RNF220: variants seen among roughly 807,000 people sequenced by gnomAD.
RNF220 encodes E3 ubiquitin-protein ligase RNF220.
Under a neutral mutation model 67.1 loss-of-function variants are expected in RNF220, and 7 were observed. The observed-to-expected ratio is 0.10, with a 90% CI of 0.06 to 0.20. RNF220 has a LOEUF of 0.20. Among genes scored for constraint, RNF220 ranks in the 10% least tolerant of loss-of-function variants. The probability of loss-of-function intolerance (pLI) is 1.00; values close to 1 mark genes in which losing one functional copy is unlikely to be tolerated. For synonymous variants in RNF220, 270 were observed against 283.2 expected, an observed-to-expected ratio of 0.95 and a Z score of 0.47; for missense variants, 565 against 740.3, an observed-to-expected ratio of 0.76 and a Z score of 2.75.
chr1:44,411,983 C>G lies in RNF220; in HGVS notation c.-115C>G. 3 of 1,221,400 alleles carry G rather than the reference C, an allele frequency of 2.5e-6. No individual in the cohort carries two copies. Among genetic ancestry groups the G allele is most frequent in the Non-Finnish European group, 3.4e-6 (3 of 874,420 alleles). 75.7% of individuals were successfully genotyped at this position (1,221,400 alleles called of 1,614,324 possible). A position where few individuals can be genotyped will look rare whatever the true frequency, so the allele number is the denominator to read the frequency against. On this transcript the variant is annotated splice_region_variant and 5_prime_UTR_variant, in exon 2 of 15. Transcript: ENST00000361799. ...TTTTCTCTTTGCTGTTTCTACAGGT[C>G]TTAGGAGGGAATGATTCCCCAGTAA...
chr1:44,530,253 G>C lies in RNF220; in HGVS notation c.626-83912G>C, dbSNP rs191714911. ...TATAGTTGGTAATTGTGTGCCATCA[G>C]CTTTATAATTGTGGTTATCTGAAAT... On this transcript the variant is annotated intron_variant, in intron 2 of 14. Coordinates refer to ENST00000361799, the MANE Select transcript of RNF220 (RefSeq NM_018150.4). Among the ~76,000 whole-genome samples, 223 of 152,204 alleles carry C rather than the reference G, an allele frequency of 1.5e-3. 2 individuals are homozygous for C. The highest frequency in any genetic ancestry group is 4.2e-3 in the African/African-American group (175 of 41,528).
At chr1:44,567,863 T>C (rs1271557018) in intron 2 of RNF220, among the ~76,000 whole-genome samples, 2 of 152,142 alleles carry the variant, frequency 1.3e-5, no homozygotes, top group Admixed American at 6.5e-5. Context: ...GAGTCCCTGC[T>C]GAAAACCTGC....
intron 2 of RNF220, among the ~76,000 whole-genome samples, chr1:44,524,272 CAGATAATT>C (rs1660181165): frequency 6.6e-6 from 1 of 152,140 alleles, no homozygotes; most frequent in Non-Finnish European, 1.5e-5. Context: ...CTCTGCTGGC[CAGATAATT>C]AGTCCATTAC....
chr1:44,499,289 C>G (rs145012782), intron 2 of RNF220, among the ~76,000 whole-genome samples: 43 of 152,272 alleles, frequency 2.8e-4, no homozygotes, highest in African/African-American at 9.4e-4. Flanking sequence ...AGCTACCTCT[C>G]CATTTCTCTG....
At chr1:44,520,315 A>G (rs994196536) in intron 2 of RNF220, among the ~76,000 whole-genome samples, 1 of 151,966 alleles carries the variant, frequency 6.6e-6, no homozygotes, top group Non-Finnish European at 1.5e-5. Flanking sequence ...TACAAAAAAA[A>G]ATTAGCTGGG....
At chr1:44,497,583 G>A (rs868339142) in intron 2 of RNF220, among the ~76,000 whole-genome samples, 13 of 152,150 alleles carry the variant, frequency 8.5e-5, no homozygotes, top group African/African-American at 3.1e-4. Context: ...ACCACCATGT[G>A]ATAATCCTCG....
Position 44,412,070 on chromosome 1 carries a change from G to GT in RNF220, c.-27dup, listed in dbSNP as rs772448560. ...CCTCCCAGGGAAGACTGCTTCTTGC[G>GT]TAACGCCGGCCACAGAAAGAGACTC... On this transcript the variant is annotated 5_prime_UTR_variant, in exon 2 of 15. The change abolishes the stop of an existing upstream ORF in the 5' untranslated region. Coordinates refer to ENST00000361799, the MANE Select transcript of RNF220 (RefSeq NM_018150.4). This position sits in a 1 kb window ranked among gnomAD's most constrained non-coding sequence, Gnocchi z 5.3. The GT allele has an allele frequency of 4.9e-5, 77 of 1,586,298 alleles. No individual in the cohort carries two copies. The highest frequency in any genetic ancestry group is 6.4e-5 in the Non-Finnish European group (74 of 1,164,692).
intron 7 of RNF220, 114 bp downstream of exon 7, chr1:44,635,702 C>G (rs754215405): frequency 6.4e-7 from 1 of 1,553,860 alleles, no homozygotes; most frequent in Non-Finnish European, 8.7e-7. Context: ...TCCTTCCCCG[C>G]TCCCTTCCCC....
Position 44,502,052 on chromosome 1 carries a change from AACACACACACACACACACAC to A in RNF220, c.625+89359_625+89378del, listed in dbSNP as rs56978327. ...TCCCCAGCTGACTTCACACCACTGA[AACACACACACACACACACAC>A]ACACACACACACACACACACACACA... On this transcript the variant is annotated intron_variant, in intron 2 of 14. Coordinates refer to ENST00000361799, the MANE Select transcript of RNF220 (RefSeq NM_018150.4). 4.3e-3 allele frequency among the ~76,000 whole-genome samples: 518 copies of A among 121,852 alleles called. 2 individuals are homozygous for A. Among genetic ancestry groups the A allele is most frequent in the East Asian group, 0.026 (98 of 3,738 alleles). The allele number at this position is 121,852 out of a possible 152,430, so 79.9% of individuals were successfully genotyped here.
At chr1:44,487,260 G>A (rs527476618) in intron 2 of RNF220, among the ~76,000 whole-genome samples, 97 of 152,078 alleles carry the variant, frequency 6.4e-4, no homozygotes, top group Non-Finnish European at 1.1e-3. Flanking sequence ...ACTTGAACCT[G>A]GGAGGCAGAG....
At chr1:44,594,669 G>A (rs1433358808) in intron 2 of RNF220, among the ~76,000 whole-genome samples, 1 of 152,240 alleles carries the variant, frequency 6.6e-6, no homozygotes, top group Non-Finnish European at 1.5e-5. Flanking sequence ...GGACCAGGAA[G>A]GTTATCAGAG....
intron 2 of RNF220, among the ~76,000 whole-genome samples, chr1:44,499,904 A>G (rs575316339): frequency 3.9e-5 from 6 of 152,308 alleles, no homozygotes. Context: ...GATCAGGCCA[A>G]AACATTGAAG....
intron 2 of RNF220, among the ~76,000 whole-genome samples, chr1:44,546,489 C>A (rs1021193658): frequency 6.6e-6 from 1 of 152,178 alleles, no homozygotes; most frequent in Non-Finnish European, 1.5e-5. Context: ...TGCTGCGGGT[C>A]CCCAGCCTGA....
At chr1:44,434,577 C>T (rs1650752669) in intron 2 of RNF220, among the ~76,000 whole-genome samples, 1 of 151,770 alleles carries the variant, frequency 6.6e-6, no homozygotes, top group Admixed American at 6.6e-5. Flanking sequence ...ATTAGCCAGG[C>T]ATGGTGGTGG....
intron 2 of RNF220, among the ~76,000 whole-genome samples, chr1:44,441,017 G>C (rs574798450): frequency 6.6e-6 from 1 of 152,312 alleles, no homozygotes; most frequent in Non-Finnish European, 1.5e-5. Context: ...TGTGAAGCCT[G>C]TCAAGGGGGA....
intron 6 of RNF220, among the ~76,000 whole-genome samples, chr1:44,634,952 C>T (rs552850911): frequency 7.2e-5 from 11 of 152,122 alleles, no homozygotes; most frequent in Non-Finnish European, 1.5e-4. Context: ...TGACCCAGAC[C>T]GTCTTACCTT....
chr1:44,420,909 TC>T (rs1429721397), intron 2 of RNF220, among the ~76,000 whole-genome samples: 1 of 152,220 alleles, frequency 6.6e-6, no homozygotes, highest in Non-Finnish European at 1.5e-5. Context: ...GGTAAAACCT[TC>T]CTTGTTAGAA....
intron 2 of RNF220, among the ~76,000 whole-genome samples, chr1:44,536,637 A>G (rs959201537): frequency 5.3e-5 from 8 of 152,160 alleles, no homozygotes; most frequent in African/African-American, 1.7e-4. Context: ...GAAATGGCGC[A>G]TCAGTAAGTG....
chr1:44,590,935 A>G (rs565018506), intron 2 of RNF220, among the ~76,000 whole-genome samples: 66 of 152,210 alleles, frequency 4.3e-4, no homozygotes, highest in African/African-American at 1.6e-3. Flanking sequence ...AGGGAACAGC[A>G]TGGTTTTTGT....
Sources: gnomAD v4.1 joint callset for allele counts (sites outside exome capture counted in the v4.1 genomes callset) on GRCh38, gnomAD v4.1.1 for gene constraint, Gnocchi (gnomAD v3.1) non-coding constraint, MANE v1.5 for transcripts, NCBI Gene and HGNC (gene_info 2026-07-23, HGNC 2026-07-21) for gene names.